BRCA1: variants seen among roughly 807,000 people sequenced by gnomAD.
The protein encoded by BRCA1 is BRCA1 DNA repair associated.
In BRCA1, 140 loss-of-function variants were observed where a neutral mutation model predicts 173.7. That is an observed-to-expected ratio of 0.81 (90% CI 0.70 to 0.93). The LOEUF is 0.93. BRCA1 is among the 40% of genes least tolerant of loss of function. The pLI is 0.00. For missense variants in BRCA1, 1,983 were observed against 2,172.5 expected (o/e 0.91, Z 1.73); for synonymous variants, 662 against 756.0 (o/e 0.88, Z 2.04).
Position 43,050,485 on chromosome 17 carries a change from C to T in BRCA1, c.5332+578G>A, listed in dbSNP as rs749509905. ...AAAATTAGTCGGGCGTGGTGGCACA[C>T]GCCTGTAGTCTCAGCTATTTGGGAG... On this transcript the variant is annotated intron_variant, in intron 20 of 22. Transcript: ENST00000357654. Among the ~76,000 whole-genome samples, 60 of 151,572 alleles carry T rather than the reference C, an allele frequency of 4.0e-4. 1 individual carries two copies. The highest frequency in any genetic ancestry group is 1.4e-3 in the Admixed American group (21 of 15,184).
chr17:43,114,278 T>C (rs2055166574), intron 3 of BRCA1, among the ~76,000 whole-genome samples: 1 of 152,046 alleles, frequency 6.6e-6, no homozygotes, highest in Non-Finnish European at 1.5e-5. Flanking sequence ...CATTTGTTAC[T>C]CAAGCTGACA....
intron 1 of BRCA1, among the ~76,000 whole-genome samples, chr17:43,135,583 C>T (rs1177780754): frequency 2.0e-5 from 3 of 152,178 alleles, no homozygotes; most frequent in African/African-American, 7.2e-5. Context: ...TGGAACCTTC[C>T]CATGGTTCGC....
At chr17:43,055,338 G>A (rs2051414058) in intron 19 of BRCA1, among the ~76,000 whole-genome samples, 1 of 152,158 alleles carries the variant, frequency 6.6e-6, no homozygotes, top group East Asian at 1.9e-4. Context: ...AGAAACTATA[G>A]TATTGTTGTT....
chr17:43,118,502 G>A (rs189649477), intron 2 of BRCA1, among the ~76,000 whole-genome samples: 11 of 151,610 alleles, frequency 7.3e-5, no homozygotes, highest in African/African-American at 2.2e-4. Flanking sequence ...TCAGCCTCCC[G>A]AGTAGCTGGG....
At chr17:43,125,170 G>A (rs799905) in intron 1 of BRCA1, 101 bp downstream of exon 1, 4 of 443,628 alleles carry the variant, frequency 9.0e-6, no homozygotes, top group South Asian at 4.7e-5. Flanking sequence ...CCTACCCCCC[G>A]TCAAAGAATA....
intron 3 of BRCA1, among the ~76,000 whole-genome samples, chr17:43,109,072 A>G (rs897438288): frequency 1.3e-5 from 2 of 152,164 alleles, no homozygotes; most frequent in Non-Finnish European, 2.9e-5. Flanking sequence ...CTATCTGTCT[A>G]CAGTCTTGAA....
rs370148636 is a variant in BRCA1, at chr17:43,046,757, C to CA, written c.5467+885dup. Among the ~76,000 whole-genome samples the CA allele has an allele frequency of 0.36, 38,107 of 105,770 alleles. 5,856 individuals are homozygous for CA. The highest frequency in any genetic ancestry group is 0.53 in the South Asian group (1,804 of 3,434). 69.4% of individuals were successfully genotyped at this position (105,770 alleles called of 152,430 possible). ...TAAGTGACAGAGTGAGACTCCACCT[C>CA]AAAAAAAAAAAAAAAAGGCAATGCT... On this transcript the variant is annotated intron_variant, in intron 22 of 22. Transcript: ENST00000357654.
chr17:43,145,834 C>T (rs531681865), intron 1 of BRCA1, among the ~76,000 whole-genome samples: 1 of 151,980 alleles, frequency 6.6e-6, no homozygotes, highest in African/African-American at 2.4e-5. Flanking sequence ...CTTTGACAGT[C>T]TCGGGTGTCA....
rs273898682 is a variant in BRCA1, at chr17:43,093,245, T to A, written c.2286A>T (p.Arg762Ser). Residue 762 changes from arginine to serine, a missense_variant, in exon 10 of 23, where the codon AGA becomes AGT. Transcript: ENST00000357654. Reference protein sequence around the residue: ...LSGERVLQTERSVESSSISLV... With the variant: ...LSGERVLQTESSVESSSISLV... ...ATGAAATACTGCTACTCTCTACAGATCTTTCAGTTTGCAAAACCCTTTCTC... is the reference window on the plus strand; with the variant it reads ...ATGAAATACTGCTACTCTCTACAGAACTTTCAGTTTGCAAAACCCTTTCTC... 2.9e-5 allele frequency: 47 copies of A among 1,614,104 alleles called. 1 individual carries two copies. The East Asian group carries it at 7.4e-4, about 25-fold the overall frequency.
At chr17:43,076,337 T>C (rs1460258429) in intron 13 of BRCA1, 151 bp downstream of exon 13, 1 of 923,482 alleles carries the variant, frequency 1.1e-6, no homozygotes, top group African/African-American at 1.7e-5. Context: ...CTATATAGGA[T>C]TAAACAAAAG....
chr17:43,057,198 G>T, intron 18 of BRCA1, 63 bp from the exon 19 acceptor site: 1 of 1,511,214 alleles, frequency 6.6e-7, no homozygotes, highest in Non-Finnish European at 9.2e-7. Flanking sequence ...CAATGGAAGT[G>T]GAGCAGACAC....
In BRCA1 at chr17:43,095,890, G is replaced by A. The variant is rs201596327; in HGVS notation, c.626C>T (p.Pro209Leu). The change falls in exon 9 of 23, where the codon CCT (proline) becomes CTT (leucine). Residue 209 changes from proline (P) to leucine (L), a missense_variant. Transcript: ENST00000357654. The stretch of plus-strand genomic sequence containing the variant: ...ACTGATTTCATCCCTGGTTCCTTGA[G>A]GGGTGATTTGTAACAATTCTTGATC... ...VGDQELLQIT[P>L]QGTRDEISLD... 9.9e-6 allele frequency: 16 copies of A among 1,613,812 alleles called. No homozygotes were observed. The East Asian group carries it at 3.6e-4, about 36-fold the overall frequency.
At position 43,055,023 on chromosome 17, in the gene BRCA1, C is replaced by G. The variant is rs371465813; in HGVS notation, c.5277+2029G>C. Among the ~76,000 whole-genome samples the G allele has an allele frequency of 1.1e-4, 17 of 152,188 alleles. 1 individual carries two copies. The East Asian group carries it at 3.3e-3, about 29-fold the overall frequency. On this transcript the variant is annotated intron_variant, in intron 19 of 22. Coordinates refer to ENST00000357654, the MANE Select transcript of BRCA1 (RefSeq NM_007294.4). Reference sequence around the variant, plus strand: ...CCTTGGGCTCCCAAAGTGCTGGGATCACAGGTGTGAGCCACCGCGACCAGC... The same window carrying G: ...CCTTGGGCTCCCAAAGTGCTGGGATGACAGGTGTGAGCCACCGCGACCAGC...
At position 43,099,784 on chromosome 17, in the gene BRCA1, T is replaced by G. The variant is rs1555594803; in HGVS notation, c.538A>C (p.Ile180Leu). The change falls in exon 7 of 23, where the codon ATT (isoleucine) becomes CTT (leucine). Residue 180 changes from isoleucine (I) to leucine (L), a missense_variant. Transcript: ENST00000357654. ...RIQPQKTSVY[I>L]ELGSDSSEDT... is the part of the protein sequence containing the mutation. The stretch of plus-strand genomic sequence containing the variant: ...AACCTGAGACCCTTACCCAATTCAA[T>G]GTAGACAGACGTCTTTTGAGGTTGT... 1 of 1,607,430 alleles carries G rather than the reference T, an allele frequency of 6.2e-7. No individual in the cohort carries two copies. The highest frequency in any genetic ancestry group is 8.5e-7 in the Non-Finnish European group (1 of 1,173,946).
intron 1 of BRCA1, among the ~76,000 whole-genome samples, chr17:43,153,825 G>A (rs748256775): frequency 2.0e-5 from 3 of 152,274 alleles, no homozygotes; most frequent in Admixed American, 1.3e-4. Flanking sequence ...TTCAGAAGAC[G>A]CATGTTTGGT....
At chr17:43,056,941 GTGTA>G in intron 19 of BRCA1, 107 bp downstream of exon 19, 2 of 946,554 alleles carry the variant, frequency 2.1e-6, no homozygotes, top group Non-Finnish European at 3.5e-6. Flanking sequence ...ATCTAGCACT[GTGTA>G]TGTATGTAAT....
At chr17:43,107,965 T>C (rs1173381856) in intron 3 of BRCA1, among the ~76,000 whole-genome samples, 4 of 151,924 alleles carry the variant, frequency 2.6e-5, no homozygotes, top group African/African-American at 7.3e-5. Flanking sequence ...CATAATATAC[T>C]GGTGAAGGGG....
intron 11 of BRCA1, among the ~76,000 whole-genome samples, chr17:43,089,157 A>G (rs8176162): frequency 6.6e-6 from 1 of 152,088 alleles, no homozygotes. Context: ...TACTAAAAAA[A>G]TACAAAAAAA....
chr17:43,115,848 T>C (rs2055272081), intron 2 of BRCA1, 69 bp from the exon 3 acceptor site: 1 of 1,480,772 alleles, frequency 6.8e-7, no homozygotes, highest in Non-Finnish European at 9.2e-7. Context: ...ATAAAGCTAT[T>C]CTTAGTGAAT....
Sources: allele counts gnomAD v4.1 joint callset (sites outside exome capture counted in the v4.1 genomes callset), GRCh38; gene constraint gnomAD v4.1.1; transcripts MANE v1.5; gene names NCBI Gene and HGNC (gene_info 2026-07-23, HGNC 2026-07-21).